The following CTNND2 variants were observed in gnomAD, a reference collection of about 807,000 sequenced individuals.
CTNND2 encodes the protein catenin delta 2, also known as catenin delta-2.
Under a neutral mutation model 144.4 loss-of-function variants are expected in CTNND2, and 22 were observed. The ratio of observed to expected loss-of-function variants is 0.15; its 90% CI spans 0.11 to 0.22. The LOEUF is 0.22. Among genes scored for constraint, CTNND2 ranks in the 10% least tolerant of loss-of-function variants. The probability of loss-of-function intolerance (pLI) is 1.00; values close to 1 mark genes in which losing one functional copy is unlikely to be tolerated. For missense variants in CTNND2, 1,353 were observed against 1,618.8 expected, an observed-to-expected ratio of 0.84 and a Z score of 2.82; for synonymous variants, 751 against 695.6, an observed-to-expected ratio of 1.08 and a Z score of -1.25.
At chr5:11,897,886 C>T (rs1737522471) in intron 1 of CTNND2, among the ~76,000 whole-genome samples, 1 of 152,212 alleles carries the variant, frequency 6.6e-6, no homozygotes, top group Non-Finnish European at 1.5e-5. Context: ...CTGATATTTC[C>T]TTTCAGGCAA....
chr5:11,581,965 T>C (rs1235297830), intron 2 of CTNND2, among the ~76,000 whole-genome samples: 1 of 152,208 alleles, frequency 6.6e-6, no homozygotes, highest in Non-Finnish European at 1.5e-5. Flanking sequence ...ATTTGTATCA[T>C]GTATAAATAA....
rs190813732 is a variant in CTNND2, at chr5:11,579,277, A to C, written c.175-14221T>G. ...AACTTGTAAGAATGTAGCAGTGATA[A>C]ATGTACCACCGTTGAAATCATTTGT... On this transcript the variant is annotated intron_variant, in intron 2 of 21. Transcript: ENST00000304623. Among the ~76,000 whole-genome samples, 326 of 152,282 alleles carry C rather than the reference A, an allele frequency of 2.1e-3. 1 individual carries two copies. The highest frequency in any genetic ancestry group is 3.8e-3 in the Non-Finnish European group (257 of 68,022).
intron 3 of CTNND2, among the ~76,000 whole-genome samples, chr5:11,419,026 C>CTA (rs1265992031): frequency 1.6e-5 from 2 of 125,174 alleles, no homozygotes; most frequent in South Asian, 2.6e-4. Flanking sequence ...AGATGTCTAT[C>CTA]TATATATAGA....
At chr5:11,235,567 C>T (rs1394975700) in intron 10 of CTNND2, among the ~76,000 whole-genome samples, 1 of 152,142 alleles carries the variant, frequency 6.6e-6, no homozygotes, top group African/African-American at 2.4e-5. Flanking sequence ...GGGGGCTGCC[C>T]TGCACTTTCT....
chr5:11,121,810 T>C (rs889317704), intron 12 of CTNND2, among the ~76,000 whole-genome samples: 8 of 152,220 alleles, frequency 5.3e-5, no homozygotes, highest in Non-Finnish European at 8.8e-5. Context: ...GCCAGGATAC[T>C]GAAGATCAAA....
chr5:11,507,182 C>T (rs26163), intron 3 of CTNND2, among the ~76,000 whole-genome samples: 55,755 of 151,934 alleles, frequency 0.37, 10,632 homozygotes, highest in South Asian at 0.41. Flanking sequence ...TCCAAATACA[C>T]CCTTAGTATG....
At chr5:11,087,030 CTT>C (rs1275701655) in intron 15 of CTNND2, among the ~76,000 whole-genome samples, 2 of 152,114 alleles carry the variant, frequency 1.3e-5, no homozygotes, top group Non-Finnish European at 2.9e-5. Context: ...TAAAAGTACT[CTT>C]GTGTTAGAAG....
At chr5:11,209,491 C>T (rs1005709038) in intron 10 of CTNND2, among the ~76,000 whole-genome samples, 2 of 152,140 alleles carry the variant, frequency 1.3e-5, no homozygotes, top group African/African-American at 4.8e-5. Context: ...GACTATAGAT[C>T]ATGTACATTC....
At chr5:11,681,561 C>A (rs978175269) in intron 2 of CTNND2, among the ~76,000 whole-genome samples, 5 of 152,092 alleles carry the variant, frequency 3.3e-5, no homozygotes, top group East Asian at 1.9e-4. Context: ...AAAAAAAATT[C>A]TTTTTCCAGT....
At chr5:11,465,853 T>C (rs577359156) in intron 3 of CTNND2, among the ~76,000 whole-genome samples, 49 of 152,334 alleles carry the variant, frequency 3.2e-4, no homozygotes, top group Middle Eastern at 3.4e-3. Context: ...GGCTTCCTCA[T>C]GGCAGAATGC....
At position 11,146,851 on chromosome 5, in the gene CTNND2, C is replaced by G. The variant is rs548288060; in HGVS notation, c.2159+12725G>C. Among the ~76,000 whole-genome samples the G allele has an allele frequency of 4.1e-3, 631 of 152,314 alleles. 4 individuals carry two copies. Among genetic ancestry groups the G allele is most frequent in the African/African-American group, 0.014 (592 of 41,580 alleles). ...AGCAACACACACACTGGAAAACAAG[C>G]AGTTACATGGCTCTACCCAAGAAAT... On this transcript the variant is annotated intron_variant, in intron 12 of 21. Coordinates refer to ENST00000304623, the MANE Select transcript of CTNND2 (RefSeq NM_001332.4).
intron 14 of CTNND2, among the ~76,000 whole-genome samples, chr5:11,105,726 A>G (rs1232462718): frequency 6.6e-6 from 1 of 152,264 alleles, no homozygotes; most frequent in Admixed American, 6.5e-5. Context: ...AATATGGTTC[A>G]TCCATGGATA....
chr5:11,573,263 T>C (rs1235717304), intron 2 of CTNND2, among the ~76,000 whole-genome samples: 2 of 152,076 alleles, frequency 1.3e-5, no homozygotes, highest in Non-Finnish European at 2.9e-5. Context: ...CATAAGTAGA[T>C]ATGATAGTAT....
intron 2 of CTNND2, among the ~76,000 whole-genome samples, chr5:11,675,659 C>T (rs1329866933): frequency 6.6e-6 from 1 of 151,924 alleles, no homozygotes; most frequent in Non-Finnish European, 1.5e-5. Flanking sequence ...TGGAATGAAA[C>T]ACTTATAAAT....
chr5:11,744,789 C>G (rs1402925555), intron 1 of CTNND2, among the ~76,000 whole-genome samples: 2 of 151,854 alleles, frequency 1.3e-5, no homozygotes, highest in African/African-American at 4.8e-5. Context: ...CTTTGTTGCC[C>G]AGGCTGGAGT....
Position 10,973,309 on chromosome 5 carries a change from A to C in CTNND2, c.*144T>G. 1 of 845,706 alleles carries C rather than the reference A, an allele frequency of 1.2e-6. No homozygotes were observed. The highest frequency in any genetic ancestry group is 2.9e-5 in the East Asian group (1 of 34,572). The allele number at this position is 845,706 out of a possible 1,614,324, so 52.4% of individuals were successfully genotyped here. A position where few individuals can be genotyped will look rare whatever the true frequency, so the allele number is the denominator to read the frequency against. ...CATTTAGCTTTCTAAAATAGCTCTT[A>C]ATATTTCCTTACTGGTTATCACAGC... On this transcript the variant is annotated 3_prime_UTR_variant, in exon 22 of 22. Coordinates refer to ENST00000304623, the MANE Select transcript of CTNND2 (RefSeq NM_001332.4). This position sits in a 1 kb window ranked among gnomAD's most constrained non-coding sequence, Gnocchi z 5.6.
chr5:11,066,609 T>C (rs1007974134), intron 16 of CTNND2, among the ~76,000 whole-genome samples: 1 of 152,120 alleles, frequency 6.6e-6, no homozygotes, highest in Non-Finnish European at 1.5e-5. Context: ...TGGGCACATA[T>C]TCTGAAGACC....
At chr5:11,513,349 A>G (rs572789773) in intron 3 of CTNND2, among the ~76,000 whole-genome samples, 1 of 152,344 alleles carries the variant, frequency 6.6e-6, no homozygotes, top group East Asian at 1.9e-4. Flanking sequence ...ATAATAAACA[A>G]TGTTGTCCTT....
At chr5:11,329,669 T>C (rs778549657) in intron 9 of CTNND2, among the ~76,000 whole-genome samples, 5 of 152,130 alleles carry the variant, frequency 3.3e-5, no homozygotes, top group Admixed American at 1.3e-4. Flanking sequence ...AAGTCAGAGA[T>C]TGGAGACCAG....
Sources: allele counts gnomAD v4.1 joint callset (sites outside exome capture counted in the v4.1 genomes callset), GRCh38; gene constraint gnomAD v4.1.1; non-coding constraint Gnocchi (gnomAD v3.1); transcripts MANE v1.5; gene names NCBI Gene and HGNC (gene_info 2026-07-23, HGNC 2026-07-21).